Variants in PRR12 observed in about 807,000 individuals in gnomAD.
The protein encoded by PRR12 is proline-rich protein 12.
PRR12 carries 12 observed loss-of-function variants against 138.0 expected under a neutral mutation model. The observed-to-expected ratio is 0.09, with a 90% CI of 0.06 to 0.14. The LOEUF (loss-of-function observed/expected upper bound fraction) is 0.14, where lower values mean the gene tolerates loss of function less well. PRR12 is among the 10% of genes least tolerant of loss of function. The pLI is 1.00. For missense variants in PRR12, 2,692 were observed against 2,861.3 expected (o/e 0.94, Z 1.35); for synonymous variants, 1,567 against 1,291.7 (o/e 1.21, Z -4.57).
chr19:49,599,968 G>C lies in PRR12; in HGVS notation c.4345+30G>C. 1 of 1,544,758 alleles carries C rather than the reference G, an allele frequency of 6.5e-7. No individual in the cohort carries two copies. Among genetic ancestry groups the C allele is most frequent in the Admixed American group, 1.9e-5 (1 of 51,386 alleles). ...GCTCTGGGCAGGTGGTCTGGGAGTA[G>C]AGCTTAAAGGTTATTATGATCACTA... On this transcript the variant is annotated intron_variant, in intron 5 of 13. Transcript: ENST00000418929. This position sits in a 1 kb window ranked among gnomAD's most constrained non-coding sequence, Gnocchi z 5.0.
rs1201293464 is a variant in PRR12 at position 49,595,482 on chromosome 19, A to G, written c.1147A>G (p.Ile383Val). 1.9e-6 allele frequency: 3 copies of G among 1,553,330 alleles called. No homozygotes were observed. The highest frequency in any genetic ancestry group is 3.9e-5 in the Admixed American group (2 of 51,566). Residue 383 changes from isoleucine (I) to valine (V), a missense_variant, in exon 4 of 14, where the codon ATC becomes GTC. By Grantham distance (29) the Ile-to-Val change is conservative (BLOSUM62 3). Transcript: ENST00000418929. ...GGGTGGTGGTGGAGGTTACCGCCCCATCATTCAGTCGCCTGGGTACAAGAC... is the reference window on the plus strand; with the variant it reads ...GGGTGGTGGTGGAGGTTACCGCCCCGTCATTCAGTCGCCTGGGTACAAGAC... ...AGGGGGGYRPIIQSPGYKTGK... is the reference protein window; with the variant it reads ...AGGGGGGYRPVIQSPGYKTGK...
At chr19:49,606,550 G>A (rs758217284) in intron 6 of PRR12, among the ~76,000 whole-genome samples, 4 of 150,016 alleles carry the variant, frequency 2.7e-5, no homozygotes, top group Admixed American at 6.7e-5. Context: ...GATTTGCGCC[G>A]CCTCCCCCGC....
rs775050452 is a variant in PRR12 at position 49,596,535 on chromosome 19, C to T, written c.2200C>T (p.Arg734Trp). The T allele has an allele frequency of 1.3e-5, 21 of 1,608,008 alleles. No individual in the cohort carries two copies. Among genetic ancestry groups the T allele is most frequent in the African/African-American group, 2.7e-5 (2 of 74,764 alleles). The change falls in exon 4 of 14, where the codon CGG becomes TGG. Residue 734 changes from arginine (R) to tryptophan (W), a missense_variant. Transcript: ENST00000418929. The surrounding 1 kb of genome is among the most constrained non-coding windows in gnomAD (Gnocchi z 5.6). ...GAAGGAGAAGAAGAAAGGGCCAGAGCGGGGTGGCGAGACCCCCGAGGGGCT... is the reference window on the plus strand; with the variant it reads ...GAAGGAGAAGAAGAAAGGGCCAGAGTGGGGTGGCGAGACCCCCGAGGGGCT... The part of the protein sequence containing the change: ...RLKEKKKGPE[R>W]GGETPEGLAT...
chr19:49,623,320 G>A (rs117192455), intron 11 of PRR12, among the ~76,000 whole-genome samples: 1 of 151,986 alleles, frequency 6.6e-6, no homozygotes, highest in Non-Finnish European at 1.5e-5. Context: ...GTTATTAGTC[G>A]GGAGTTAGAA....
Position 49,596,920 on chromosome 19 carries a change from C to T in PRR12, c.2585C>T (p.Ala862Val), listed in dbSNP as rs1338254496. The T allele has an allele frequency of 3.9e-6, 6 of 1,549,530 alleles. No individual in the cohort carries two copies. Among genetic ancestry groups the T allele is most frequent in the African/African-American group, 2.7e-5 (2 of 73,306 alleles). ...CTCCGCAGCCATGGCCTGGAGCCCG[C>T]GGCCCCCAGCCCCCGCCTGCGACCC... ...AHLRSHGLEPAAPSPRLRPEE... is the reference protein window; with the variant it reads ...AHLRSHGLEPVAPSPRLRPEE... Residue 862 changes from alanine to valine, a missense_variant, in exon 4 of 14, where the codon GCG becomes GTG. Transcript: ENST00000418929. This position sits in a 1 kb window ranked among gnomAD's most constrained non-coding sequence, Gnocchi z 5.6.
chr19:49,598,162 C>G, intron 4 of PRR12, 149 bp downstream of exon 4: 1 of 943,750 alleles, frequency 1.1e-6, no homozygotes, highest in Non-Finnish European at 1.4e-6. Flanking sequence ...CAAGCTCCGC[C>G]TCCCGGGTTC....
intron 6 of PRR12, among the ~76,000 whole-genome samples, chr19:49,605,913 C>A (rs1248324030): frequency 6.6e-6 from 1 of 152,228 alleles, no homozygotes; most frequent in Admixed American, 6.5e-5. Context: ...ATTTGTGGGC[C>A]TAGAGATGGG....
Position 49,596,319 on chromosome 19 carries a change from G to C in PRR12, c.1984G>C (p.Val662Leu). Residue 662 changes from valine to leucine, a missense_variant, in exon 4 of 14, where the codon GTG (valine) becomes CTG (leucine). Val to Leu is a conservative substitution (Grantham distance 32, BLOSUM62 1). This residue lies in a region of PRR12 where 840 missense variants were observed against 689.8 expected (regional missense o/e 1.22). Transcript: ENST00000418929. The surrounding 1 kb of genome is among the most constrained non-coding windows in gnomAD (Gnocchi z 5.6). ...PPRTSGADGL[V>L]GEDGAADASK... The stretch of plus-strand genomic sequence containing the variant: ...TCGGACCTCAGGGGCGGACGGCTTG[G>C]TGGGCGAGGACGGGGCAGCAGATGC... 1.2e-6 allele frequency: 2 copies of C among 1,610,924 alleles called. No individual in the cohort carries two copies. Among genetic ancestry groups the C allele is most frequent in the South Asian group, 2.2e-5 (2 of 91,002 alleles).
chr19:49,614,871 C>T lies in PRR12; in HGVS notation c.4891-5C>T. 1 of 1,613,956 alleles carries T rather than the reference C, an allele frequency of 6.2e-7. No homozygotes were observed. The highest frequency in any genetic ancestry group is 8.5e-7 in the Non-Finnish European group (1 of 1,179,868). The stretch of plus-strand genomic sequence containing the variant: ...ATTTCCTCATGTGCCTCTTTCTCCC[C>T]ATAGTATTTGGGGTATTTTGGGGAT... On this transcript the variant is annotated splice_region_variant and splice_polypyrimidine_tract_variant and intron_variant, in intron 7 of 13. Transcript: ENST00000418929. The surrounding 1 kb of genome is among the most constrained non-coding windows in gnomAD (Gnocchi z 5.0).
At position 49,595,806 on chromosome 19, in the gene PRR12, C is replaced by T. The variant is rs2080763872; in HGVS notation, c.1471C>T (p.Leu491=). 6.3e-7 allele frequency: 1 copy of T among 1,598,788 alleles called. No homozygotes were observed. The highest frequency in any genetic ancestry group is 1.3e-5 in the African/African-American group (1 of 74,730). ...QPPSGPPPPG[L]ATCQSYSPDQ... The stretch of plus-strand genomic sequence containing the variant: ...CCCCAGCGGCCCCCCTCCTCCTGGC[C>T]TGGCCACATGTCAGAGCTACTCCCC... Residue 491 remains leucine (L), a synonymous_variant, in exon 4 of 14, where the codon CTG becomes TTG. Transcript: ENST00000418929.
chr19:49,594,691 C>G lies in PRR12; in HGVS notation c.362-6C>G, dbSNP rs761969987. ...CTCTCTGACGCGCGGTCTTCCTCAT[C>G]TCCAGCCATGCACACGCCAGGCCCC... On this transcript the variant is annotated splice_region_variant and splice_polypyrimidine_tract_variant and intron_variant, in intron 3 of 13. Coordinates refer to ENST00000418929, the MANE Select transcript of PRR12 (RefSeq NM_020719.3). This position sits in a 1 kb window ranked among gnomAD's most constrained non-coding sequence, Gnocchi z 5.6. The G allele has an allele frequency of 6.2e-7, 1 of 1,612,200 alleles. No homozygotes were observed. The highest frequency in any genetic ancestry group is 8.5e-7 in the Non-Finnish European group (1 of 1,179,680).
chr19:49,596,836 A>G lies in PRR12; in HGVS notation c.2501A>G (p.Gln834Arg). The change falls in exon 4 of 14, where the codon CAG becomes CGG. Residue 834 changes from glutamine (Q) to arginine (R), a missense_variant. This residue lies in a region of PRR12 where 840 missense variants were observed against 689.8 expected (regional missense o/e 1.22). Transcript: ENST00000418929. This position sits in a 1 kb window ranked among gnomAD's most constrained non-coding sequence, Gnocchi z 5.6. ...LEPATRDGAP[Q>R]PPPPPPPPPP... ...CCAGCCACCCGCGATGGGGCACCCC[A>G]GCCACCTCCACCGCCACCCCCGCCT... 1 of 1,587,692 alleles carries G rather than the reference A, an allele frequency of 6.3e-7. No individual in the cohort carries two copies. The highest frequency in any genetic ancestry group is 8.5e-7 in the Non-Finnish European group (1 of 1,174,122).
chr19:49,601,631 C>T lies in PRR12; in HGVS notation c.4486C>T (p.Pro1496Ser). 1 of 1,538,378 alleles carries T rather than the reference C, an allele frequency of 6.5e-7. No homozygotes were observed. The highest frequency in any genetic ancestry group is 8.7e-7 in the Non-Finnish European group (1 of 1,144,658). Reference protein sequence around the residue: ...PPLVAPTPSSPPPPPLPPPPP... With the variant: ...PPLVAPTPSSSPPPPLPPPPP... ...GCTGGTGGCCCCCACGCCCAGCTCACCACCGCCACCGCCGCTGCCGCCGCC... is the reference window on the plus strand; with the variant it reads ...GCTGGTGGCCCCCACGCCCAGCTCATCACCGCCACCGCCGCTGCCGCCGCC... Residue 1496 changes from proline to serine, a missense_variant, in exon 6 of 14, where the codon CCA (proline) becomes TCA (serine). Pro to Ser is a moderately conservative substitution (Grantham distance 74). This residue lies in a region of PRR12 where 231 missense variants were observed against 200.8 expected (regional missense o/e 1.15). Coordinates refer to ENST00000418929, the MANE Select transcript of PRR12 (RefSeq NM_020719.3).
chr19:49,604,825 G>A (rs975686297), intron 6 of PRR12, among the ~76,000 whole-genome samples: 79 of 152,206 alleles, frequency 5.2e-4, no homozygotes, highest in African/African-American at 1.6e-3. Context: ...GGCTCACACA[G>A]GTTAAAAAGT....
Position 49,594,471 on chromosome 19 carries a change from G to C in PRR12, c.217G>C (p.Asp73His). 6.2e-7 allele frequency: 1 copy of C among 1,608,904 alleles called. No individual in the cohort carries two copies. Among genetic ancestry groups the C allele is most frequent in the Non-Finnish European group, 8.5e-7 (1 of 1,178,076 alleles). ...CCGGCCAGGCCTCTCTGGACTCTTCGACACTGGCCTCCACCACGCGGGCTC... is the reference window on the plus strand; with the variant it reads ...CCGGCCAGGCCTCTCTGGACTCTTCCACACTGGCCTCCACCACGCGGGCTC... ...HHPAGLSGLF[D>H]TGLHHAGSAG... The change falls in exon 3 of 14, where the codon GAC becomes CAC. Residue 73 changes from aspartate to histidine, a missense_variant. Around this residue, in one of 11 missense-constraint regions of PRR12, gnomAD observed 211 missense variants for 266.3 expected, o/e 0.79. Transcript: ENST00000418929. The surrounding 1 kb of genome is among the most constrained non-coding windows in gnomAD (Gnocchi z 5.6).
In PRR12 at chr19:49,597,114, G is replaced by T. The variant is rs895644447; in HGVS notation, c.2779G>T (p.Val927Leu). The T allele has an allele frequency of 3.9e-6, 6 of 1,550,754 alleles. No individual in the cohort carries two copies. ...SPQGTKAPRFVPLTSICFPDS... is the reference protein window; with the variant it reads ...SPQGTKAPRFLPLTSICFPDS... ...GCAAGGCACCAAGGCGCCGCGTTTC[G>T]TGCCGCTCACCTCCATCTGCTTCCC... is the stretch of plus-strand genomic sequence containing the variant. Residue 927 changes from valine to leucine, a missense_variant, in exon 4 of 14, where the codon GTG (valine) becomes TTG (leucine). Physicochemically the swap from Val to Leu is conservative, Grantham distance 32. Transcript: ENST00000418929. This position sits in a 1 kb window ranked among gnomAD's most constrained non-coding sequence, Gnocchi z 6.3.
Position 49,596,948 on chromosome 19 carries a change from G to A in PRR12, c.2613G>A (p.Glu871=), listed in dbSNP as rs756745545. 3.4e-5 allele frequency: 53 copies of A among 1,550,972 alleles called. No homozygotes were observed. Among genetic ancestry groups the A allele is most frequent in the Middle Eastern group, 3.4e-4 (2 of 5,812 alleles). The stretch of plus-strand genomic sequence containing the variant: ...CCCCCAGCCCCCGCCTGCGACCCGA[G>A]GAGAGCCTGGATCCGCCAGGCGCCA... The part of the protein sequence containing the change: ...PAAPSPRLRP[E]ESLDPPGAMQ... The change falls in exon 4 of 14, where the codon GAG becomes GAA. Residue 871 remains glutamate, a synonymous_variant. Transcript: ENST00000418929. The surrounding 1 kb of genome is among the most constrained non-coding windows in gnomAD (Gnocchi z 5.6).
chr19:49,604,737 C>T (rs535823397), intron 6 of PRR12, among the ~76,000 whole-genome samples: 2 of 152,140 alleles, frequency 1.3e-5, no homozygotes, highest in African/African-American at 4.8e-5. Context: ...CACCATCCAT[C>T]TCCAAGTTTT....
In PRR12 at chr19:49,593,744, C is replaced by T. The variant is rs546400523; in HGVS notation, c.199+305C>T. Among the ~76,000 whole-genome samples, 11 of 152,322 alleles carry T rather than the reference C, an allele frequency of 7.2e-5. No homozygotes were observed. The South Asian group carries it at 2.1e-3, about 29-fold the overall frequency. The stretch of plus-strand genomic sequence containing the variant: ...CTCCCCAACCCACCCCAATTCTTTC[C>T]CTCTGGGTTTGCCCTATTCTTTTGG... On this transcript the variant is annotated intron_variant, in intron 2 of 13. Transcript: ENST00000418929.
Sources: gnomAD v4.1 joint callset for allele counts (sites outside exome capture counted in the v4.1 genomes callset) on GRCh38, gnomAD v4.1.1 for gene constraint, gnomAD v4.1.1 regional missense constraint, Gnocchi (gnomAD v3.1) non-coding constraint, MANE v1.5 for transcripts, NCBI Gene and HGNC (gene_info 2026-07-23, HGNC 2026-07-21) for gene names.